The following ANKMY1 variants were observed in gnomAD, a reference collection of about 807,000 sequenced individuals.
ANKMY1 encodes ankyrin repeat and MYND domain-containing protein 1.
ANKMY1 carries 98 observed loss-of-function variants against 102.0 expected under a neutral mutation model. The ratio of observed to expected loss-of-function variants is 0.96; its 90% CI spans 0.82 to 1.14. ANKMY1 has a LOEUF of 1.14. Ranked by LOEUF, ANKMY1 falls within the 50% of genes most tolerant of loss-of-function variation. The pLI, the probability that ANKMY1 is intolerant of heterozygous loss-of-function variation, is 0.00. For synonymous variants in ANKMY1, 582 were observed against 559.9 expected (o/e 1.04, Z -0.56); for missense variants, 1,330 against 1,347.6 (o/e 0.99, Z 0.20).
In ANKMY1 at chr2:240,555,210, C is replaced by T. The variant is rs1443501306; in HGVS notation, c.147-155G>A. On this transcript the variant is annotated intron_variant, in intron 2 of 17. Transcript: ENST00000401804. Reference sequence around the variant, plus strand: ...ATCCCCACTCCACTTGGAGAGAAAACCGAGGCACAGAGGGTGCAGCGATTG... The same window carrying T: ...ATCCCCACTCCACTTGGAGAGAAAATCGAGGCACAGAGGGTGCAGCGATTG... 9.1e-6 allele frequency: 7 copies of T among 772,626 alleles called. No homozygotes were observed. The East Asian group carries it at 1.9e-4, about 21-fold the overall frequency. 47.9% of individuals were successfully genotyped at this position (772,626 alleles called of 1,614,324 possible).
At chr2:240,560,389 G>A (rs1042776288), upstream of ANKMY1, 4 of 272,172 alleles carry the variant, frequency 1.5e-5, no homozygotes, top group South Asian at 4.2e-4. Context: ...AGGCCGCGGG[G>A]GCGGGGAGGA....
At chr2:240,553,398 T>G in intron 3 of ANKMY1, 1 of 274,118 alleles carries the variant, frequency 3.6e-6, no homozygotes, top group Non-Finnish European at 7.2e-6. Flanking sequence ...CTGTCCCCAC[T>G]CAGGAGCCCC....
intron 13 of ANKMY1, among the ~76,000 whole-genome samples, chr2:240,503,820 G>C (rs180768966): frequency 6.6e-6 from 1 of 152,194 alleles, no homozygotes; most frequent in Non-Finnish European, 1.5e-5. Context: ...CGTTGCAGAC[G>C]ATCAAAGTAA....
At chr2:240,518,314 C>G (rs1419034144) in intron 9 of ANKMY1, among the ~76,000 whole-genome samples, 1 of 152,142 alleles carries the variant, frequency 6.6e-6, no homozygotes, top group Non-Finnish European at 1.5e-5. Flanking sequence ...CAGTGAGACC[C>G]TAGACCCCTC....
intron 4 of ANKMY1, among the ~76,000 whole-genome samples, chr2:240,542,190 A>G (rs2089045247): frequency 1.4e-5 from 2 of 144,538 alleles, no homozygotes; most frequent in African/African-American, 5.2e-5. Flanking sequence ...CCTGGGTGAC[A>G]GCAAGACTCC....
rs1300947800 is a variant in ANKMY1 at position 240,557,330 on chromosome 2, T to C, written c.6A>G (p.Glu2=). The change falls in exon 2 of 18, where the codon GAA becomes GAG. Residue 2 remains glutamate (E), a synonymous_variant. Transcript: ENST00000401804. M[E]GAHASLSLED... ...CTAAGCTAAGGGAGGCATGGGCCCCTTCCATGTCTGTGGTCTTCCAACCTG... is the reference window on the plus strand; with the variant it reads ...CTAAGCTAAGGGAGGCATGGGCCCCCTCCATGTCTGTGGTCTTCCAACCTG... 2 of 1,556,970 alleles carry C rather than the reference T, an allele frequency of 1.3e-6. No homozygotes were observed. The highest frequency in any genetic ancestry group is 2.4e-5 in the East Asian group (1 of 41,468).
chr2:240,560,901 G>C (rs1030136409), upstream of ANKMY1: 19 of 1,523,276 alleles, frequency 1.2e-5, no homozygotes, highest in East Asian at 2.7e-5. Flanking sequence ...CGTGTTCGAC[G>C]ACCCGGCTGA....
In ANKMY1 at chr2:240,531,537, A is replaced by C. The variant is rs537898495; in HGVS notation, c.481-2028T>G. Among the ~76,000 whole-genome samples, 227 of 152,362 alleles carry C rather than the reference A, an allele frequency of 1.5e-3. 2 individuals are homozygous for C. The highest frequency in any genetic ancestry group is 5.2e-3 in the African/African-American group (217 of 41,578). ...TTTTGTGTTATATCCATGCAATGGA[A>C]TACTACCCCATAATTTTTTTAAATT... On this transcript the variant is annotated intron_variant, in intron 4 of 17. Transcript: ENST00000401804.
downstream of ANKMY1, among the ~76,000 whole-genome samples, chr2:240,476,087 C>T (rs2074832675): frequency 6.6e-6 from 1 of 152,262 alleles, no homozygotes. Context: ...TATCACACAT[C>T]CTGTTTTAAA....
intron 8 of ANKMY1, among the ~76,000 whole-genome samples, chr2:240,521,472 G>A (rs1407426494): frequency 2.0e-5 from 3 of 149,920 alleles, no homozygotes; most frequent in Admixed American, 6.6e-5. Flanking sequence ...ATGAAGTCGC[G>A]GAACTCGCGG....
In ANKMY1 at chr2:240,520,479, G is replaced by A. The variant is rs1390354942; in HGVS notation, c.1887C>T (p.Pro629=). 9 of 1,613,392 alleles carry A rather than the reference G, an allele frequency of 5.6e-6. No individual in the cohort carries two copies. In the South Asian group the frequency reaches 7.7e-5, roughly 14 times the overall value. The change falls in exon 9 of 18, where the codon CCC becomes CCT. Residue 629 remains proline, a synonymous_variant. Coordinates refer to ENST00000401804, the MANE Select transcript of ANKMY1 (RefSeq NM_001282771.3). The surrounding 1 kb of genome is among the most constrained non-coding windows in gnomAD (Gnocchi z 4.8). ...IKLLLRRGAD[P]NLCCVPMQVL... is the part of the protein sequence containing the mutation. ...CCTGCATGGGCACGCAGCACAGGTT[G>A]GGGTCCGCGCCCCGGCGCAGCAGCA...
upstream of ANKMY1, chr2:240,558,434 G>C (rs1345425678): frequency 7.8e-6 from 1 of 128,540 alleles, no homozygotes; most frequent in African/African-American, 2.5e-5. Context: ...GAGGCCGCAA[G>C]AGTCACCGCA....
chr2:240,520,018 G>A lies in ANKMY1; in HGVS notation c.2004+344C>T, dbSNP rs1234859935. ...TGCCTGCGTCCTTGTGATGCTGAGCGTGGGTTGAAAGGAGGCCCGCCTCCT... is the reference window on the plus strand; with the variant it reads ...TGCCTGCGTCCTTGTGATGCTGAGCATGGGTTGAAAGGAGGCCCGCCTCCT... On this transcript the variant is annotated intron_variant, in intron 9 of 17. Coordinates refer to ENST00000401804, the MANE Select transcript of ANKMY1 (RefSeq NM_001282771.3). The surrounding 1 kb of genome is among the most constrained non-coding windows in gnomAD (Gnocchi z 4.8). 1.9e-6 allele frequency: 1 copy of A among 517,906 alleles called. No homozygotes were observed. Among genetic ancestry groups the A allele is most frequent in the Non-Finnish European group, 3.9e-6 (1 of 256,458 alleles). 32.1% of individuals were successfully genotyped at this position (517,906 alleles called of 1,614,324 possible). A position where few individuals can be genotyped will look rare whatever the true frequency, so the allele number is the denominator to read the frequency against.
intron 16 of ANKMY1, 67 bp from the exon 17 acceptor site, chr2:240,481,164 C>G: frequency 6.4e-7 from 1 of 1,557,058 alleles, no homozygotes; most frequent in South Asian, 1.2e-5. Flanking sequence ...ACAGCCGCTG[C>G]CTGGGAGCTG....
intron 4 of ANKMY1, among the ~76,000 whole-genome samples, chr2:240,533,823 A>T (rs915842761): frequency 7.2e-5 from 11 of 152,180 alleles, no homozygotes; most frequent in African/African-American, 2.7e-4. Context: ...AATATCTAAA[A>T]CATAATGAAA....
intron 4 of ANKMY1, among the ~76,000 whole-genome samples, chr2:240,540,808 C>CGCATTGCTCGTGCATCA (rs1559362876): frequency 6.6e-6 from 1 of 152,180 alleles, no homozygotes; most frequent in African/African-American, 2.4e-5. Flanking sequence ...TGACAAGGAA[C>CGCATTGCTCGTGCATCA]GCATTGCTCG....
intron 4 of ANKMY1, among the ~76,000 whole-genome samples, chr2:240,537,991 G>C (rs892125674): frequency 6.6e-6 from 1 of 152,220 alleles, no homozygotes; most frequent in Non-Finnish European, 1.5e-5. Flanking sequence ...ACGTGGCTGC[G>C]CTGGAGTCTC....
chr2:240,523,912 A>G lies in ANKMY1; in HGVS notation c.1805T>C (p.Met602Thr), dbSNP rs2082823388. Residue 602 changes from methionine to threonine, a missense_variant, in exon 8 of 18, where the codon ATG (methionine) becomes ACG (threonine). By Grantham distance (81) the Met-to-Thr change is moderately conservative. Transcript: ENST00000401804. The stretch of plus-strand genomic sequence containing the variant: ...GATCATGGACAGCGCCATCCTCCGC[A>G]TGGTCCCTTTGTCGAAGCTGCTGGT... ...PCTSSFDKGT[M>T]RRMALSMIER... 1 of 1,613,666 alleles carries G rather than the reference A, an allele frequency of 6.2e-7. No homozygotes were observed. The highest frequency in any genetic ancestry group is 1.1e-5 in the South Asian group (1 of 91,086).
rs1261870706 is a variant in ANKMY1 at position 240,520,893 on chromosome 2, CACACACCAGAGCACACAAACCACACT to C, written c.1833-386_1833-361del. Among the ~76,000 whole-genome samples, 9 of 151,524 alleles carry C rather than the reference CACACACCAGAGCACACAAACCACACT, an allele frequency of 5.9e-5. No homozygotes were observed. Among genetic ancestry groups the C allele is most frequent in the Non-Finnish European group, 1.3e-4 (9 of 67,882 alleles). ...ACCACACAGTACGCACACGGCACAC[CACACACCAGAGCACACAAACCACACT>C]ACACATACAGCACACAACCACACAA... On this transcript the variant is annotated intron_variant, in intron 8 of 17. Coordinates refer to ENST00000401804, the MANE Select transcript of ANKMY1 (RefSeq NM_001282771.3). This position sits in a 1 kb window ranked among gnomAD's most constrained non-coding sequence, Gnocchi z 4.8.
Sources: gnomAD v4.1 joint callset for allele counts (sites outside exome capture counted in the v4.1 genomes callset) on GRCh38, gnomAD v4.1.1 for gene constraint, Gnocchi (gnomAD v3.1) non-coding constraint, MANE v1.5 for transcripts, NCBI Gene and HGNC (gene_info 2026-07-23, HGNC 2026-07-21) for gene names.